The following CCDC62 variants were observed in gnomAD, a reference collection of about 807,000 sequenced individuals.
The protein encoded by CCDC62 is coiled-coil domain-containing protein 62.
Under a neutral mutation model 80.8 loss-of-function variants are expected in CCDC62, and 72 were observed. The observed-to-expected ratio is 0.89, with a 90% CI of 0.74 to 1.08. The LOEUF (loss-of-function observed/expected upper bound fraction) is 1.08. CCDC62 is among the 50% of genes least tolerant of loss of function. The pLI is 0.00. For missense variants in CCDC62, 704 were observed against 809.4 expected, an observed-to-expected ratio of 0.87 and a Z score of 1.58; for synonymous variants, 286 against 296.5, an observed-to-expected ratio of 0.96 and a Z score of 0.36.
chr12:122,800,576 C>T (rs1236967064), intron 8 of CCDC62, among the ~76,000 whole-genome samples: 3 of 151,780 alleles, frequency 2.0e-5, no homozygotes, highest in African/African-American at 7.3e-5. Context: ...TACAGGCCTG[C>T]GCCACCACGC....
intron 9 of CCDC62, 85 bp downstream of exon 9, chr12:122,801,937 A>C: frequency 7.3e-7 from 1 of 1,378,980 alleles, no homozygotes; most frequent in African/African-American, 1.4e-5. Flanking sequence ...GCCACGCCAT[A>C]CCTACTATTA....
chr12:122,814,080 A>G (rs12369251), intron 11 of CCDC62, among the ~76,000 whole-genome samples: 127,178 of 150,982 alleles, frequency 0.84, 54,807 homozygotes, highest in East Asian at 0.99. Flanking sequence ...TCAGGAGTTC[A>G]AGACCAGCCT....
chr12:122,783,242 T>C (rs1196645297), intron 3 of CCDC62, among the ~76,000 whole-genome samples: 3 of 150,706 alleles, frequency 2.0e-5, no homozygotes, highest in Non-Finnish European at 4.4e-5. Context: ...TTTTTTTTTT[T>C]CCTGAGACGG....
At chr12:122,779,386 A>T (rs1879682534) in intron 2 of CCDC62, among the ~76,000 whole-genome samples, 1 of 152,180 alleles carries the variant, frequency 6.6e-6, no homozygotes, top group African/African-American at 2.4e-5. Flanking sequence ...GAAGGTGTGC[A>T]TATCCTACAG....
At chr12:122,814,304 GAGAGAGAA>G (rs1331155003) in intron 11 of CCDC62, among the ~76,000 whole-genome samples, 8 of 19,160 alleles carry the variant, frequency 4.2e-4, no homozygotes, top group South Asian at 1.6e-3. Flanking sequence ...AAAAAAAAGA[GAGAGAGAA>G]AGAAAGAAAG....
chr12:122,808,152 C>T (rs2031701544), intron 10 of CCDC62, among the ~76,000 whole-genome samples: 1 of 152,082 alleles, frequency 6.6e-6, no homozygotes, highest in African/African-American at 2.4e-5. Context: ...CAAAAATGAG[C>T]CTGGTGTGCT....
chr12:122,789,541 T>C (rs2030469095), intron 5 of CCDC62, among the ~76,000 whole-genome samples: 2 of 152,224 alleles, frequency 1.3e-5, no homozygotes, highest in African/African-American at 4.8e-5. Flanking sequence ...CAAGCTATTC[T>C]CCTGTCTCAG....
intron 10 of CCDC62, among the ~76,000 whole-genome samples, chr12:122,812,783 GAAAGAAAGAAAGAA>G (rs1196564417): frequency 8.0e-5 from 9 of 111,948 alleles, no homozygotes; most frequent in African/African-American, 3.9e-4. Context: ...GAGAGAGAAA[GAAAGAAAGAAAGAA>G]AGAAAGAAAG....
At chr12:122,780,096 G>A (rs1021196379) in intron 2 of CCDC62, among the ~76,000 whole-genome samples, 1 of 151,456 alleles carries the variant, frequency 6.6e-6, no homozygotes, top group Non-Finnish European at 1.5e-5. Context: ...TGAATCATGG[G>A]GTCAGGAGAT....
In CCDC62 at chr12:122,813,297, G is replaced by A; in HGVS notation, c.1879G>A (p.Asp627Asn). ...TTCAATTGTGTTACCCTCCCAGGATGATTTCTCGCCCACGAGCAAGCTCCA... is the reference window on the plus strand; with the variant it reads ...TTCAATTGTGTTACCCTCCCAGGATAATTTCTCGCCCACGAGCAAGCTCCA... Reference protein sequence around the residue: ...KASIVLPSQDDFSPTSKLQRL... With the variant: ...KASIVLPSQDNFSPTSKLQRL... The change falls in exon 11 of 13, where the codon GAT (aspartate) becomes AAT (asparagine). Residue 627 changes from aspartate to asparagine, a missense_variant. Coordinates refer to ENST00000253079, the MANE Select transcript of CCDC62 (RefSeq NM_201435.5). The A allele has an allele frequency of 6.2e-7, 1 of 1,613,172 alleles. No homozygotes were observed.
intron 7 of CCDC62, 118 bp from the exon 8 acceptor site, chr12:122,797,967 C>G (rs1300176382): frequency 4.8e-6 from 3 of 620,280 alleles, no homozygotes; most frequent in Non-Finnish European, 5.8e-6. Flanking sequence ...GCATATTTCT[C>G]TAGTAACTAT....
At position 122,781,685 on chromosome 12, in the gene CCDC62, C is replaced by CAAA. The variant is rs200444250; in HGVS notation, c.396+364_396+366dup. 7.3e-5 allele frequency among the ~76,000 whole-genome samples: 10 copies of CAAA among 136,870 alleles called. No individual in the cohort carries two copies. The East Asian group carries it at 2.1e-3, about 28-fold the overall frequency. The allele number at this position is 136,870 out of a possible 152,430, so 89.8% of individuals were successfully genotyped here. ...GGGCAACAAGAGCGAAACTCTGTCTCAAAAAAAAAAAGAAAAAAGAAAAAT... is the reference window on the plus strand; with the variant it reads ...GGGCAACAAGAGCGAAACTCTGTCTCAAAAAAAAAAAAAAGAAAAAAGAAAAAT... On this transcript the variant is annotated intron_variant, in intron 3 of 12. Transcript: ENST00000253079.
chr12:122,777,577 T>A lies in CCDC62; in HGVS notation c.123T>A (p.Asp41Glu). ...QLLIGELKDR[D>E]KELNDMVAVH... ...TCATTGGAGAATTAAAAGATCGAGA[T>A]AAAGAGCTCAATGACATGGTTGCAG... Residue 41 changes from aspartate (D) to glutamate (E), a missense_variant, in exon 2 of 13, where the codon GAT (aspartate) becomes GAA (glutamate). Physicochemically the swap from Asp to Glu is conservative, Grantham distance 45. Transcript: ENST00000253079. 6.2e-7 allele frequency: 1 copy of A among 1,614,144 alleles called. No homozygotes were observed. The highest frequency in any genetic ancestry group is 1.3e-5 in the African/African-American group (1 of 75,048).
chr12:122,782,197 A>G (rs1210099622), intron 3 of CCDC62, among the ~76,000 whole-genome samples: 1 of 152,100 alleles, frequency 6.6e-6, no homozygotes, highest in African/African-American at 2.4e-5. Context: ...CAAGCAACCA[A>G]TGCAAAAATG....
Position 122,806,404 on chromosome 12 carries a change from G to GTTT in CCDC62, c.1851+126_1851+128dup, listed in dbSNP as rs34775544. 5.0e-4 allele frequency: 221 copies of GTTT among 438,578 alleles called. 1 individual carries two copies. Among genetic ancestry groups the GTTT allele is most frequent in the African/African-American group, 3.5e-3 (156 of 44,408 alleles). The allele number at this position is 438,578 out of a possible 1,614,324, so 27.2% of individuals were successfully genotyped here. Reference sequence around the variant, plus strand: ...GCTTGCTTATTTTGGCTATTCCTCCGTTTTTTTTTTTTTTTTTTTAATTCT... The same window carrying GTTT: ...GCTTGCTTATTTTGGCTATTCCTCCGTTTTTTTTTTTTTTTTTTTTTTAATTCT... On this transcript the variant is annotated intron_variant, in intron 10 of 12. Transcript: ENST00000253079.
chr12:122,792,979 A>C (rs762248768), intron 6 of CCDC62, among the ~76,000 whole-genome samples: 1 of 152,202 alleles, frequency 6.6e-6, no homozygotes, highest in Non-Finnish European at 1.5e-5. Flanking sequence ...AAAACATAAC[A>C]TAGATGCTCC....
chr12:122,824,077 GA>G (rs762742977), intron 12 of CCDC62, among the ~76,000 whole-genome samples: 17 of 152,102 alleles, frequency 1.1e-4, no homozygotes, highest in Non-Finnish European at 1.8e-4. Context: ...AATCTAATAT[GA>G]AAAGATGTTC....
At chr12:122,815,669 C>T (rs896540870) in intron 11 of CCDC62, among the ~76,000 whole-genome samples, 1 of 151,058 alleles carries the variant, frequency 6.6e-6, no homozygotes, top group African/African-American at 2.4e-5. Flanking sequence ...GGATGGTCTC[C>T]ATCTCCTGAC....
chr12:122,787,528 G>A (rs1215090940), intron 4 of CCDC62, among the ~76,000 whole-genome samples: 1 of 151,034 alleles, frequency 6.6e-6, no homozygotes, highest in Non-Finnish European at 1.5e-5. Flanking sequence ...GAGCCAGGCA[G>A]ATCACAAGGC....
Sources: allele counts gnomAD v4.1 joint callset (sites outside exome capture counted in the v4.1 genomes callset), GRCh38; gene constraint gnomAD v4.1.1; transcripts MANE v1.5; gene names NCBI Gene and HGNC (gene_info 2026-07-23, HGNC 2026-07-21).